The following CAMSAP2 variants were observed in gnomAD, a reference collection of about 807,000 sequenced individuals.
CAMSAP2 encodes calmodulin regulated spectrin associated protein family member 2.
A neutral mutation model predicts 146.1 loss-of-function variants in CAMSAP2; 26 were observed. That is an observed-to-expected ratio of 0.18 (90% confidence interval 0.13 to 0.25). CAMSAP2 has a LOEUF of 0.25. CAMSAP2 is among the 10% of genes least tolerant of loss of function. CAMSAP2 has a pLI of 1.00. For missense variants in CAMSAP2, 1,381 were observed against 1,759.3 expected, an observed-to-expected ratio of 0.78 and a Z score of 3.85; for synonymous variants, 499 against 596.6, an observed-to-expected ratio of 0.84 and a Z score of 2.38.
At chr1:200,823,603 TATATC>T (rs1171249762) in intron 4 of CAMSAP2, among the ~76,000 whole-genome samples, 1 of 152,240 alleles carries the variant, frequency 6.6e-6, no homozygotes, top group African/African-American at 2.4e-5. Flanking sequence ...AGAGAGGTCA[TATATC>T]ATATCATATA....
intron 1 of CAMSAP2, among the ~76,000 whole-genome samples, chr1:200,754,743 C>T (rs905357036): frequency 2.0e-5 from 3 of 151,950 alleles, no homozygotes; most frequent in Admixed American, 1.3e-4. Flanking sequence ...CCACCAGGCC[C>T]GGCTAATTTT....
intron 4 of CAMSAP2, among the ~76,000 whole-genome samples, chr1:200,823,494 T>C (rs1271153539): frequency 6.6e-6 from 1 of 152,228 alleles, no homozygotes; most frequent in African/African-American, 2.4e-5. Context: ...GATGTCCTTT[T>C]TAAATATTTG....
At position 200,853,556 on chromosome 1, in the gene CAMSAP2, T is replaced by G; in HGVS notation, c.3823+61T>G. ...AAACACCAGCTTGATTGGTTTGTCA[T>G]ACTAACTTGGTTGTACTTTGATGTG... On this transcript the variant is annotated intron_variant, in intron 13 of 16. Coordinates refer to ENST00000358823, the MANE Select transcript of CAMSAP2 (RefSeq NM_203459.4). The surrounding 1 kb of genome is among the most constrained non-coding windows in gnomAD (Gnocchi z 5.1). The G allele has an allele frequency of 1.5e-6, 2 of 1,336,898 alleles. No homozygotes were observed. The highest frequency in any genetic ancestry group is 2.5e-5 in the South Asian group (2 of 79,536). 82.8% of individuals were successfully genotyped at this position (1,336,898 alleles called of 1,614,324 possible).
At chr1:200,797,018 G>A (rs551927061) in intron 2 of CAMSAP2, among the ~76,000 whole-genome samples, 1 of 152,174 alleles carries the variant, frequency 6.6e-6, no homozygotes, top group Non-Finnish European at 1.5e-5. Flanking sequence ...TTTTATGGCT[G>A]CATAGTATTC....
chr1:200,786,288 T>TA (rs907953208), intron 2 of CAMSAP2, among the ~76,000 whole-genome samples: 6 of 152,060 alleles, frequency 3.9e-5, no homozygotes, highest in African/African-American at 1.4e-4. Context: ...TTTGGCTTTT[T>TA]AAAAAAATCT....
At chr1:200,761,462 G>A (rs1394756798) in intron 2 of CAMSAP2, among the ~76,000 whole-genome samples, 4 of 152,150 alleles carry the variant, frequency 2.6e-5, no homozygotes, top group South Asian at 2.1e-4. Context: ...ATGGCCGGGC[G>A]CGGTGGCTCA....
intron 2 of CAMSAP2, among the ~76,000 whole-genome samples, chr1:200,789,452 G>A (rs1168710117): frequency 6.6e-6 from 1 of 151,426 alleles, no homozygotes; most frequent in Non-Finnish European, 1.5e-5. Context: ...CCACTGCATT[G>A]CCTTATTTGC....
intron 2 of CAMSAP2, among the ~76,000 whole-genome samples, chr1:200,789,702 C>G (rs570604258): frequency 6.6e-6 from 1 of 152,114 alleles, no homozygotes; most frequent in Non-Finnish European, 1.5e-5. Context: ...AAATAACTTG[C>G]TGGAATTTTT....
At chr1:200,761,368 G>A (rs966540108) in intron 2 of CAMSAP2, among the ~76,000 whole-genome samples, 5 of 152,022 alleles carry the variant, frequency 3.3e-5, no homozygotes, top group Admixed American at 6.6e-5. Context: ...TATTTTTTCC[G>A]TTGTAGAGAC....
At chr1:200,838,463 CTGTT>C (rs1180695724) in intron 6 of CAMSAP2, among the ~76,000 whole-genome samples, 7 of 151,986 alleles carry the variant, frequency 4.6e-5, no homozygotes, top group East Asian at 3.9e-4. Flanking sequence ...GTTTTACTGA[CTGTT>C]TTTTTTAGTA....
chr1:200,771,370 C>T (rs938123416), intron 2 of CAMSAP2, among the ~76,000 whole-genome samples: 12 of 151,906 alleles, frequency 7.9e-5, no homozygotes, highest in Non-Finnish European at 1.6e-4. Context: ...TTTTCAAGAA[C>T]ACATGTGAAA....
intron 4 of CAMSAP2, among the ~76,000 whole-genome samples, chr1:200,830,743 G>A (rs1013368318): frequency 1.3e-5 from 2 of 152,124 alleles, no homozygotes; most frequent in African/African-American, 4.8e-5. Flanking sequence ...AATCCATATA[G>A]TACCTGCAAG....
rs181228262 is a variant in CAMSAP2 at position 200,753,367 on chromosome 1, A to T, written c.140-7472A>T. On this transcript the variant is annotated intron_variant, in intron 1 of 16. Coordinates refer to ENST00000358823, the MANE Select transcript of CAMSAP2 (RefSeq NM_203459.4). ...TGGCTGGATATCAAGCCCCTTCCTT[A>T]GGCATTGTCTTAGCTCTTGCCAAAC... is the stretch of plus-strand genomic sequence containing the variant. Among the ~76,000 whole-genome samples the T allele has an allele frequency of 1.3e-3, 190 of 150,894 alleles. 2 individuals are homozygous for T. Among genetic ancestry groups the T allele is most frequent in the African/African-American group, 4.4e-3 (180 of 41,096 alleles).
chr1:200,775,284 T>C (rs958362978), intron 2 of CAMSAP2, among the ~76,000 whole-genome samples: 1 of 152,218 alleles, frequency 6.6e-6, no homozygotes, highest in Non-Finnish European at 1.5e-5. Context: ...AGAAGGCCAC[T>C]GATTTTGGTA....
chr1:200,825,869 A>G (rs1012918049), intron 4 of CAMSAP2, among the ~76,000 whole-genome samples: 2 of 152,170 alleles, frequency 1.3e-5, no homozygotes. Flanking sequence ...TTCTTCAACT[A>G]TGTACCTATG....
intron 2 of CAMSAP2, among the ~76,000 whole-genome samples, chr1:200,778,978 A>G (rs2103019863): frequency 6.6e-6 from 1 of 152,298 alleles, no homozygotes; most frequent in South Asian, 2.1e-4. Context: ...TGCCTCAGAG[A>G]CCTGAACAAA....
In CAMSAP2 at chr1:200,847,184, C is replaced by T. The variant is rs776295359; in HGVS notation, c.1110-26C>T. 21 of 1,524,508 alleles carry T rather than the reference C, an allele frequency of 1.4e-5. No homozygotes were observed. In the Admixed American group the frequency reaches 3.5e-4, roughly 25 times the overall value. 94.4% of individuals were successfully genotyped at this position (1,524,508 alleles called of 1,614,324 possible). A position where few individuals can be genotyped will look rare whatever the true frequency, so the allele number is the denominator to read the frequency against. On this transcript the variant is annotated intron_variant, in intron 8 of 16. Transcript: ENST00000358823. Reference sequence around the variant, plus strand: ...TTTATATTAAACAGCTAAAATATAACATTTTAAATTTATTTTCCATTGCAG... The same window carrying T: ...TTTATATTAAACAGCTAAAATATAATATTTTAAATTTATTTTCCATTGCAG...
intron 1 of CAMSAP2, among the ~76,000 whole-genome samples, chr1:200,748,670 C>T (rs549624220): frequency 3.3e-5 from 5 of 151,786 alleles, no homozygotes; most frequent in African/African-American, 1.2e-4. Flanking sequence ...CAGTTTGGAG[C>T]TCCATGATAT....
intron 2 of CAMSAP2, among the ~76,000 whole-genome samples, chr1:200,776,487 C>A (rs1558172241): frequency 6.6e-6 from 1 of 152,126 alleles, no homozygotes; most frequent in Non-Finnish European, 1.5e-5. Flanking sequence ...CAATGTTCAT[C>A]CTGCCTGTTT....
Sources: gnomAD v4.1 joint callset for allele counts (sites outside exome capture counted in the v4.1 genomes callset) on GRCh38, gnomAD v4.1.1 for gene constraint, Gnocchi (gnomAD v3.1) non-coding constraint, MANE v1.5 for transcripts, NCBI Gene and HGNC (gene_info 2026-07-23, HGNC 2026-07-21) for gene names.